The following ABCB4 variants were observed in gnomAD, a reference collection of about 807,000 sequenced individuals.
ABCB4 encodes phosphatidylcholine translocator ABCB4.
In ABCB4, 76 loss-of-function variants were observed where a neutral mutation model predicts 145.7. The ratio of observed to expected loss-of-function variants is 0.52; its 90% CI spans 0.43 to 0.63. The LOEUF (loss-of-function observed/expected upper bound fraction) is 0.63. ABCB4 is among the 30% of genes least tolerant of loss of function. ABCB4 has a pLI of 0.00. For synonymous variants in ABCB4, 517 were observed against 566.8 expected, an observed-to-expected ratio of 0.91 and a Z score of 1.25; for missense variants, 1,234 against 1,553.1, an observed-to-expected ratio of 0.79 and a Z score of 3.45.
chr7:87,443,337 A>G lies in ABCB4; in HGVS notation c.1338T>C (p.Tyr446=), dbSNP rs1488911220. Residue 446 remains tyrosine (Y), a synonymous_variant, in exon 12 of 28, where the codon TAT becomes TAC. Coordinates refer to ENST00000649586, the MANE Select transcript of ABCB4 (RefSeq NM_000443.4). ...CACTTACTGTGCCCTCATCAGGGTCATAGAGCCTCTGTATCAGCTGGACCG... is the reference window on the plus strand; with the variant it reads ...CACTTACTGTGCCCTCATCAGGGTCGTAGAGCCTCTGTATCAGCTGGACCG... ...STTVQLIQRL[Y]DPDEGTINID... 6.2e-7 allele frequency: 1 copy of G among 1,614,032 alleles called. No individual in the cohort carries two copies. Among genetic ancestry groups the G allele is most frequent in the Non-Finnish European group, 8.5e-7 (1 of 1,179,998 alleles).
the ABCB4 span, among the ~76,000 whole-genome samples, chr7:87,366,166 C>A: frequency 1.3e-5 from 2 of 152,158 alleles, no homozygotes; most frequent in Admixed American, 6.6e-5. Context: ...TATCCTCAAC[C>A]TTTTCTCTAA....
chr7:87,390,552 CTGTT>C, the ABCB4 span, among the ~76,000 whole-genome samples: 2 of 152,206 alleles, frequency 1.3e-5, no homozygotes, highest in South Asian at 4.1e-4. Flanking sequence ...GGCTTGAAAA[CTGTT>C]TGAGCCCTCC....
chr7:87,470,453 A>C (rs1813286451), intron 3 of ABCB4, among the ~76,000 whole-genome samples: 1 of 152,192 alleles, frequency 6.6e-6, no homozygotes, highest in Non-Finnish European at 1.5e-5. Flanking sequence ...AATGGGAGAA[A>C]ATTTTTGCAA....
At chr7:87,459,812 C>A (rs896794340) in intron 4 of ABCB4, among the ~76,000 whole-genome samples, 3 of 152,164 alleles carry the variant, frequency 2.0e-5, no homozygotes, top group Non-Finnish European at 2.9e-5. Flanking sequence ...ATCTGCGACA[C>A]TTGAAAAGAG....
the ABCB4 span, among the ~76,000 whole-genome samples, chr7:87,370,014 A>G: frequency 2.0e-5 from 3 of 152,006 alleles, no homozygotes; most frequent in African/African-American, 7.2e-5. Flanking sequence ...CTCATAGTCA[A>G]TGCTGTTTCA....
intron 3 of ABCB4, among the ~76,000 whole-genome samples, chr7:87,464,164 C>T (rs1357819204): frequency 6.6e-6 from 1 of 152,184 alleles, no homozygotes; most frequent in Admixed American, 6.5e-5. Context: ...CTAGGTCAGA[C>T]TGGGTCAATA....
chr7:87,396,907 T>C (rs1807544440), downstream of ABCB4, among the ~76,000 whole-genome samples: 2 of 152,166 alleles, frequency 1.3e-5, no homozygotes, highest in Non-Finnish European at 1.5e-5. Context: ...CTTTGAGATA[T>C]TTTGATGGTT....
intron 18 of ABCB4, among the ~76,000 whole-genome samples, chr7:87,420,419 C>A (rs1484083374): frequency 1.3e-5 from 2 of 152,190 alleles, no homozygotes; most frequent in African/African-American, 4.8e-5. Flanking sequence ...TCAGATCACA[C>A]TTCATTACCA....
At chr7:87,385,853 T>G in the ABCB4 span, among the ~76,000 whole-genome samples, 11 of 152,232 alleles carry the variant, frequency 7.2e-5, no homozygotes, top group Non-Finnish European at 1.6e-4. Context: ...GTATATTTCT[T>G]CTTTACTGAG....
chr7:87,406,536 A>C lies in ABCB4; in HGVS notation c.3280-42T>G, dbSNP rs529023980. ...ACAAACTATAAGAAGGGTATAAAAA[A>C]GAAAAAAAAACTAAAAAGTTACTAG... On this transcript the variant is annotated intron_variant, in intron 25 of 27. Coordinates refer to ENST00000649586, the MANE Select transcript of ABCB4 (RefSeq NM_000443.4). 24 of 1,608,410 alleles carry C rather than the reference A, an allele frequency of 1.5e-5. No individual in the cohort carries two copies. In the South Asian group the frequency reaches 2.4e-4, roughly 16 times the overall value.
chr7:87,378,478 C>T, the ABCB4 span, among the ~76,000 whole-genome samples: 1 of 152,108 alleles, frequency 6.6e-6, no homozygotes, highest in Non-Finnish European at 1.5e-5. Context: ...TTGGGTAAAG[C>T]TGACTTCAAT....
At chr7:87,419,875 C>A (rs529778683) in intron 19 of ABCB4, 123 bp downstream of exon 19, 2 of 1,023,928 alleles carry the variant, frequency 2.0e-6, no homozygotes, top group East Asian at 2.4e-5. Flanking sequence ...GGACTCTGCC[C>A]CATCCTTGCG....
chr7:87,429,835 T>G (rs1171924017), intron 15 of ABCB4, among the ~76,000 whole-genome samples: 1 of 151,824 alleles, frequency 6.6e-6, no homozygotes, highest in Non-Finnish European at 1.5e-5. Context: ...TTTCATTTGG[T>G]ATTTTCATTT....
At chr7:87,399,595 ATAAT>A (rs1314496872), downstream of ABCB4, 2 of 152,252 alleles carry the variant, frequency 1.3e-5, no homozygotes, top group African/African-American at 2.4e-5. Flanking sequence ...GTGGTGTATT[ATAAT>A]TAGTTTTGTG....
intron 7 of ABCB4, among the ~76,000 whole-genome samples, chr7:87,451,254 C>A (rs939952759): frequency 5.3e-5 from 8 of 151,710 alleles, no homozygotes; most frequent in Admixed American, 2.6e-4. Flanking sequence ...CCTGTCTCAG[C>A]CTCCCAAGTA....
At chr7:87,374,842 C>T in the ABCB4 span, among the ~76,000 whole-genome samples, 1 of 151,806 alleles carries the variant, frequency 6.6e-6, no homozygotes, top group Non-Finnish European at 1.5e-5. Context: ...ATTTTTTGAC[C>T]ATTTATTAAG....
intron 19 of ABCB4, among the ~76,000 whole-genome samples, 156 bp from the exon 20 acceptor site, chr7:87,418,776 A>ACCG (rs1280470561): frequency 6.6e-6 from 1 of 152,196 alleles, no homozygotes; most frequent in Non-Finnish European, 1.5e-5. Flanking sequence ...CACCCCCAGA[A>ACCG]TCTAGCAGAA....
intron 3 of ABCB4, among the ~76,000 whole-genome samples, chr7:87,463,786 C>G (rs1337909022): frequency 2.6e-5 from 4 of 152,146 alleles, no homozygotes; most frequent in Non-Finnish European, 5.9e-5. Context: ...AGGGTGATAC[C>G]AGTTGTCACA....
chr7:87,437,871 T>C (rs1810713510), intron 14 of ABCB4, among the ~76,000 whole-genome samples: 1 of 152,198 alleles, frequency 6.6e-6, no homozygotes, highest in African/African-American at 2.4e-5. Flanking sequence ...ATCAGCTATT[T>C]TTAAAGTAAA....
Sources: gnomAD v4.1 joint callset for allele counts (sites outside exome capture counted in the v4.1 genomes callset) on GRCh38, gnomAD v4.1.1 for gene constraint, MANE v1.5 for transcripts, NCBI Gene and HGNC (gene_info 2026-07-23, HGNC 2026-07-21) for gene names.